The following MEGF11 variants were observed in gnomAD, a reference collection of about 807,000 sequenced individuals.
The protein encoded by MEGF11 is multiple epidermal growth factor-like domains protein 11.
A neutral mutation model predicts 146.6 loss-of-function variants in MEGF11; 126 were observed. The observed-to-expected ratio is 0.86, with a 90% confidence interval of 0.74 to 1.00. MEGF11 has a LOEUF of 1.00. Among genes scored for constraint, MEGF11 ranks in the 50% least tolerant of loss-of-function variants. MEGF11 has a pLI of 0.00. For synonymous variants in MEGF11, 532 were observed against 583.4 expected, an observed-to-expected ratio of 0.91 and a Z score of 1.27; for missense variants, 1,509 against 1,521.2, an observed-to-expected ratio of 0.99 and a Z score of 0.13.
At chr15:66,176,810 G>A (rs532234485) in intron 1 of MEGF11, among the ~76,000 whole-genome samples, 8 of 152,262 alleles carry the variant, frequency 5.3e-5, no homozygotes, top group Admixed American at 5.2e-4. Context: ...CACAGGATAG[G>A]GGTTCTGTCT....
At chr15:66,113,371 C>T (rs1202227690) in intron 4 of MEGF11, among the ~76,000 whole-genome samples, 1 of 152,192 alleles carries the variant, frequency 6.6e-6, no homozygotes, top group Admixed American at 6.5e-5. Flanking sequence ...TCTGGCATTC[C>T]AAGCCACCAC....
intron 7 of MEGF11, among the ~76,000 whole-genome samples, chr15:65,979,129 G>A (rs1314983982): frequency 6.6e-6 from 1 of 152,120 alleles, no homozygotes; most frequent in African/African-American, 2.4e-5. Flanking sequence ...ACAGAAGGAA[G>A]TCCTATGGTC....
At chr15:66,232,886 G>C (rs72746237) in intron 1 of MEGF11, among the ~76,000 whole-genome samples, 6,909 of 152,238 alleles carry the variant, frequency 0.045, 176 homozygotes, top group East Asian at 0.053. Context: ...GGAAACAGAG[G>C]CTCAGAGAGG....
At chr15:66,070,654 G>C (rs947737117) in intron 5 of MEGF11, among the ~76,000 whole-genome samples, 3 of 152,296 alleles carry the variant, frequency 2.0e-5, no homozygotes, top group African/African-American at 4.8e-5. Flanking sequence ...GTCATCTTAC[G>C]CAGGTATACT....
intron 4 of MEGF11, among the ~76,000 whole-genome samples, chr15:66,104,326 G>A (rs2086966119): frequency 1.3e-5 from 2 of 152,226 alleles, no homozygotes; most frequent in Non-Finnish European, 2.9e-5. Flanking sequence ...GTGAAGGCCT[G>A]TGACAGCCTG....
chr15:66,005,819 C>T (rs911162661), intron 5 of MEGF11, among the ~76,000 whole-genome samples: 3 of 152,214 alleles, frequency 2.0e-5, no homozygotes, highest in Non-Finnish European at 4.4e-5. Context: ...TCAGAACCCA[C>T]ACTCTAGCCC....
chr15:65,992,660 CTTTT>C (rs75056469), intron 5 of MEGF11, among the ~76,000 whole-genome samples: 175 of 142,342 alleles, frequency 1.2e-3, no homozygotes, highest in Admixed American at 2.2e-3. Flanking sequence ...TTATCGGGGA[CTTTT>C]TTTTTTTTTT....
At chr15:66,217,611 C>G (rs554384903) in intron 1 of MEGF11, among the ~76,000 whole-genome samples, 1 of 152,338 alleles carries the variant, frequency 6.6e-6, no homozygotes, top group African/African-American at 2.4e-5. Flanking sequence ...GATTAAGGCA[C>G]AGGAAAGGGA....
intron 10 of MEGF11, among the ~76,000 whole-genome samples, chr15:65,936,314 C>T (rs1262272940): frequency 6.6e-6 from 1 of 152,188 alleles, no homozygotes; most frequent in Admixed American, 6.5e-5. Context: ...CACCTTAGGC[C>T]TGTGAGCTCC....
intron 1 of MEGF11, among the ~76,000 whole-genome samples, chr15:66,251,748 C>G (rs1449826481): frequency 6.6e-6 from 1 of 152,230 alleles, no homozygotes; most frequent in African/African-American, 2.4e-5. Context: ...CTCTTCCTCC[C>G]GTATAGCAGC....
At chr15:66,078,415 C>A (rs1276063797) in intron 5 of MEGF11, among the ~76,000 whole-genome samples, 1 of 152,240 alleles carries the variant, frequency 6.6e-6, no homozygotes, top group Non-Finnish European at 1.5e-5. Context: ...CTTCCCGGGC[C>A]TCGGCTCTCT....
chr15:66,157,226 G>T (rs1458643475), intron 1 of MEGF11, among the ~76,000 whole-genome samples: 1 of 152,180 alleles, frequency 6.6e-6, no homozygotes, highest in Non-Finnish European at 1.5e-5. Flanking sequence ...CATCTCCACG[G>T]GCAAACGTAG....
chr15:66,039,630 G>A lies in MEGF11; in HGVS notation c.394+54772C>T, dbSNP rs572205603. Among the ~76,000 whole-genome samples the A allele has an allele frequency of 3.3e-5, 5 of 152,292 alleles. No homozygotes were observed. The East Asian group carries it at 9.6e-4, about 29-fold the overall frequency. ...GGGTTTAAGTTTCAACCTAGGTCTC[G>A]ATTTCACCCCTCCCACCCCTGCTTT... On this transcript the variant is annotated intron_variant, in intron 5 of 25. Transcript: ENST00000395614.
At chr15:65,909,495 G>T (rs1247957511) in intron 22 of MEGF11, among the ~76,000 whole-genome samples, 3 of 152,046 alleles carry the variant, frequency 2.0e-5, no homozygotes, top group Admixed American at 2.0e-4. Flanking sequence ...CTTCCATCTG[G>T]AATCCCTACA....
intron 1 of MEGF11, among the ~76,000 whole-genome samples, chr15:66,248,249 G>A (rs552005166): frequency 1.3e-5 from 2 of 152,290 alleles, no homozygotes; most frequent in African/African-American, 4.8e-5. Context: ...TCATGATGCT[G>A]TTGAACAAAC....
chr15:65,914,003 G>A, intron 19 of MEGF11, 30 bp from the exon 20 acceptor site: 1 of 1,586,386 alleles, frequency 6.3e-7, no homozygotes, highest in Non-Finnish European at 8.6e-7. Context: ...CTGAGCCTGG[G>A]GCTGGCCTTC....
rs146814274 is a variant in MEGF11, at chr15:66,237,697, C to T, written c.-9+15908G>A. Among the ~76,000 whole-genome samples the T allele has an allele frequency of 3.3e-3, 498 of 152,282 alleles. 4 individuals are homozygous for T. Among genetic ancestry groups the T allele is most frequent in the African/African-American group, 0.011 (466 of 41,548 alleles). ...AAGACACTGGCACGTGGCTATCTCC[C>T]GCCGGGCTCAATGCTGTCTGGAGGG... is the stretch of plus-strand genomic sequence containing the variant. On this transcript the variant is annotated intron_variant, in intron 1 of 25. Transcript: ENST00000395614.
At chr15:66,068,556 T>C (rs2085236055) in intron 5 of MEGF11, among the ~76,000 whole-genome samples, 1 of 152,182 alleles carries the variant, frequency 6.6e-6, no homozygotes, top group African/African-American at 2.4e-5. Flanking sequence ...GTGACTTGCC[T>C]GAAATCACAA....
intron 5 of MEGF11, among the ~76,000 whole-genome samples, chr15:66,050,759 G>T (rs1231077061): frequency 6.6e-6 from 1 of 152,154 alleles, no homozygotes; most frequent in Admixed American, 6.5e-5. Flanking sequence ...CAGCTCCAGG[G>T]GAGTCCACAC....
Sources: allele counts gnomAD v4.1 joint callset (sites outside exome capture counted in the v4.1 genomes callset), GRCh38; gene constraint gnomAD v4.1.1; transcripts MANE v1.5; gene names NCBI Gene and HGNC (gene_info 2026-07-23, HGNC 2026-07-21).